Variants in ADGRB3 observed in about 807,000 individuals in gnomAD.
ADGRB3 encodes brain-specific angiogenesis inhibitor 3.
In ADGRB3, 37 loss-of-function variants were observed where a neutral mutation model predicts 193.4. That is an observed-to-expected ratio of 0.19 (90% CI 0.15 to 0.25). The LOEUF is 0.25. Among genes scored for constraint, ADGRB3 ranks in the 10% least tolerant of loss-of-function variants. The pLI is 1.00. For synonymous variants in ADGRB3, 690 were observed against 644.2 expected, an observed-to-expected ratio of 1.07 and a Z score of -1.08; for missense variants, 1,637 against 1,852.9, an observed-to-expected ratio of 0.88 and a Z score of 2.14.
chr6:68,779,095 G>A (rs183707652), intron 3 of ADGRB3, among the ~76,000 whole-genome samples: 134 of 151,768 alleles, frequency 8.8e-4, no homozygotes, highest in Non-Finnish European at 1.3e-3. Flanking sequence ...TTATATACAC[G>A]TACATATTAC....
In ADGRB3 at chr6:68,936,528, G is replaced by T. The variant is rs780568593; in HGVS notation, c.878G>T (p.Gly293Val). Residue 293 changes from glycine (G) to valine (V), a missense_variant, in exon 5 of 32, where the codon GGT becomes GTT. By Grantham distance (109) the Gly-to-Val change is moderately radical. This residue lies in a region of ADGRB3 where 365 missense variants were observed against 409.8 expected (regional missense o/e 0.89). Coordinates refer to ENST00000370598, the MANE Select transcript of ADGRB3 (RefSeq NM_001704.3). ...AKFMAQTGES[G>V]VEEWSQWSTC... ...GTTGTCTTGCACGCAGGTGAATCTG[G>T]TGTGGAAGAGTGGTCCCAGTGGAGC... 4.3e-6 allele frequency: 7 copies of T among 1,613,880 alleles called. No homozygotes were observed. Among genetic ancestry groups the T allele is most frequent in the African/African-American group, 1.3e-5 (1 of 75,030 alleles).
chr6:69,118,135 G>A (rs763399037), intron 17 of ADGRB3, among the ~76,000 whole-genome samples: 12 of 152,198 alleles, frequency 7.9e-5, no homozygotes, highest in African/African-American at 1.9e-4. Context: ...GAAAGTAGCC[G>A]GTTCCCAGTT....
chr6:69,109,799 A>C (rs2150325113), intron 17 of ADGRB3, among the ~76,000 whole-genome samples: 1 of 152,312 alleles, frequency 6.6e-6, no homozygotes, highest in African/African-American at 2.4e-5. Flanking sequence ...TAGTGTAGCA[A>C]GTCTAGTCTC....
At chr6:69,386,748 C>CAT (rs1384216761) in intron 31 of ADGRB3, among the ~76,000 whole-genome samples, 1 of 152,094 alleles carries the variant, frequency 6.6e-6, no homozygotes, top group Non-Finnish European at 1.5e-5. Flanking sequence ...TCCAACCACA[C>CAT]ATATGTGTTC....
intron 10 of ADGRB3, among the ~76,000 whole-genome samples, chr6:68,981,474 C>G (rs1189463709): frequency 2.0e-5 from 3 of 151,644 alleles, no homozygotes; most frequent in Non-Finnish European, 3.0e-5. Context: ...TTCAGAAGTT[C>G]CTAATGAGTT....
At chr6:68,739,115 G>A (rs1041805430) in intron 3 of ADGRB3, among the ~76,000 whole-genome samples, 10 of 152,142 alleles carry the variant, frequency 6.6e-5, no homozygotes, top group Admixed American at 3.9e-4. Context: ...ACTTAGAAAC[G>A]TAGCGATCAT....
chr6:69,030,388 G>A (rs976080652), intron 13 of ADGRB3, among the ~76,000 whole-genome samples: 1 of 152,148 alleles, frequency 6.6e-6, no homozygotes, highest in African/African-American at 2.4e-5. Context: ...TGATAGACTG[G>A]ATAAAGAAAA....
At chr6:68,988,738 G>C (rs1287446015) in intron 10 of ADGRB3, among the ~76,000 whole-genome samples, 1 of 151,992 alleles carries the variant, frequency 6.6e-6, no homozygotes, top group South Asian at 2.1e-4. Flanking sequence ...GGATGCTAAC[G>C]ACACCTCTCA....
intron 17 of ADGRB3, among the ~76,000 whole-genome samples, chr6:69,163,355 T>A (rs111644952): frequency 6.6e-6 from 1 of 152,086 alleles, no homozygotes; most frequent in African/African-American, 2.4e-5. Context: ...ATTGGGCAGC[T>A]TTTTTCTACC....
At position 68,778,759 on chromosome 6, in the gene ADGRB3, A is replaced by G. The variant is rs115929743; in HGVS notation, c.757+139327A>G. Reference sequence around the variant, plus strand: ...TATATACTTATATATCCAAAATACTACCTCTCTCCAGTCCCCATTTTCCCC... The same window carrying G: ...TATATACTTATATATCCAAAATACTGCCTCTCTCCAGTCCCCATTTTCCCC... On this transcript the variant is annotated intron_variant, in intron 3 of 31. Coordinates refer to ENST00000370598, the MANE Select transcript of ADGRB3 (RefSeq NM_001704.3). Among the ~76,000 whole-genome samples, 442 of 151,784 alleles carry G rather than the reference A, an allele frequency of 2.9e-3. 6 individuals are homozygous for G. The highest frequency in any genetic ancestry group is 0.01 in the African/African-American group (426 of 41,386).
intron 20 of ADGRB3, among the ~76,000 whole-genome samples, chr6:69,273,061 C>A (rs764017553): frequency 1.2e-4 from 18 of 152,000 alleles, no homozygotes; most frequent in Admixed American, 8.5e-4. Context: ...CCACCATGCC[C>A]GGCTAATTTT....
At chr6:68,963,573 A>T (rs1768293028) in intron 8 of ADGRB3, among the ~76,000 whole-genome samples, 1 of 152,106 alleles carries the variant, frequency 6.6e-6, no homozygotes, top group African/African-American at 2.4e-5. Context: ...ATTTGTTCAT[A>T]TGTGATAGAA....
At chr6:69,167,393 C>T (rs1775157357) in intron 17 of ADGRB3, among the ~76,000 whole-genome samples, 1 of 152,060 alleles carries the variant, frequency 6.6e-6, no homozygotes, top group African/African-American at 2.4e-5. Flanking sequence ...CATTTCAGGG[C>T]AAAAACTCAG....
rs145915341 is a variant in ADGRB3, at chr6:68,926,909, A to G, written c.758-3650A>G. 6.2e-4 allele frequency among the ~76,000 whole-genome samples: 95 copies of G among 152,248 alleles called. 1 individual carries two copies. The East Asian group carries it at 0.018, about 29-fold the overall frequency. On this transcript the variant is annotated intron_variant, in intron 3 of 31. Transcript: ENST00000370598. ...ATTCCTGGATGGGGGAAGAAATGACATAAAATTGTACTGAAGGAAATTATT... is the reference window on the plus strand; with the variant it reads ...ATTCCTGGATGGGGGAAGAAATGACGTAAAATTGTACTGAAGGAAATTATT...
At chr6:69,071,652 A>G (rs1180720435) in intron 16 of ADGRB3, among the ~76,000 whole-genome samples, 2 of 152,180 alleles carry the variant, frequency 1.3e-5, no homozygotes, top group African/African-American at 2.4e-5. Flanking sequence ...ATGTTTGTCA[A>G]GAATATAATT....
intron 17 of ADGRB3, among the ~76,000 whole-genome samples, chr6:69,147,771 G>C (rs1403541737): frequency 6.6e-6 from 1 of 152,052 alleles, no homozygotes; most frequent in Non-Finnish European, 1.5e-5. Flanking sequence ...TTGTACTGGG[G>C]TCTATCTCTC....
At chr6:69,276,502 A>C (rs1767305971) in intron 20 of ADGRB3, among the ~76,000 whole-genome samples, 1 of 152,216 alleles carries the variant, frequency 6.6e-6, no homozygotes, top group African/African-American at 2.4e-5. Context: ...GCAAGAAAGA[A>C]ATGATCAAAT....
chr6:69,249,480 G>T lies in ADGRB3; in HGVS notation c.2814+10254G>T, dbSNP rs1766573180. Among the ~76,000 whole-genome samples, 7 of 152,192 alleles carry T rather than the reference G, an allele frequency of 4.6e-5. No individual in the cohort carries two copies. The South Asian group carries it at 1.5e-3, about 32-fold the overall frequency. On this transcript the variant is annotated intron_variant, in intron 20 of 31. Transcript: ENST00000370598. ...AACAAAGCTGGCTGGCTTTGTAGAA[G>T]AAAACTTCTTAATGTACAGCAGTAT...
chr6:69,324,579 T>A (rs1306762635), intron 20 of ADGRB3, among the ~76,000 whole-genome samples: 1 of 152,172 alleles, frequency 6.6e-6, no homozygotes, highest in African/African-American at 2.4e-5. Context: ...TTTTAAAAAT[T>A]CAAGTAAAAC....
Sources: gnomAD v4.1 joint callset for allele counts (sites outside exome capture counted in the v4.1 genomes callset) on GRCh38, gnomAD v4.1.1 for gene constraint, gnomAD v4.1.1 regional missense constraint, MANE v1.5 for transcripts, NCBI Gene and HGNC (gene_info 2026-07-23, HGNC 2026-07-21) for gene names.